DLC1: variants seen among roughly 807,000 people sequenced by gnomAD.
DLC1 encodes the protein DLC1 Rho GTPase activating protein, also known as rho GTPase-activating protein 7.
In DLC1, 54 loss-of-function variants were observed where a neutral mutation model predicts 140.3. That is an observed-to-expected ratio of 0.38 (90% CI 0.31 to 0.48). The LOEUF is 0.48. Among genes scored for constraint, DLC1 ranks in the 20% least tolerant of loss-of-function variants. DLC1 has a pLI of 0.96. For missense variants in DLC1, 2,536 were observed against 1,907.0 expected (o/e 1.33, Z -6.14); for synonymous variants, 986 against 728.1 (o/e 1.35, Z -5.70).
rs367970324 is a variant in DLC1 at position 13,336,799 on chromosome 8, G to C, written c.1315-31497C>G. On this transcript the variant is annotated intron_variant, in intron 4 of 17. Transcript: ENST00000276297. The stretch of plus-strand genomic sequence containing the variant: ...GTACATAATATATTAATAGTATAAT[G>C]TATGCCACCCAAATATAAATGGATA... 6.6e-5 allele frequency among the ~76,000 whole-genome samples: 10 copies of C among 152,226 alleles called. No individual in the cohort carries two copies. In the South Asian group the frequency reaches 2.1e-3, roughly 32 times the overall value.
chr8:13,503,345 A>G (rs1801907279), intron 1 of DLC1, among the ~76,000 whole-genome samples: 1 of 152,168 alleles, frequency 6.6e-6, no homozygotes, highest in African/African-American at 2.4e-5. Context: ...TCAAGACTGC[A>G]GTGAGCCATG....
At chr8:13,211,423 C>A (rs1365962392) in intron 5 of DLC1, among the ~76,000 whole-genome samples, 1 of 152,108 alleles carries the variant, frequency 6.6e-6, no homozygotes, top group Admixed American at 6.6e-5. Context: ...TACACTGTTG[C>A]TCTAATGAAC....
intron 4 of DLC1, among the ~76,000 whole-genome samples, chr8:13,309,038 A>G (rs1181109768): frequency 6.6e-6 from 1 of 152,190 alleles, no homozygotes; most frequent in East Asian, 1.9e-4. Context: ...TGAATATACA[A>G]TTTAAATAAC....
chr8:13,172,610 T>C (rs1376411052), intron 5 of DLC1, among the ~76,000 whole-genome samples: 1 of 152,230 alleles, frequency 6.6e-6, no homozygotes, highest in Admixed American at 6.5e-5. Context: ...ACTCACACAG[T>C]AAGTGGCAGG....
At chr8:13,407,490 A>C (rs1837619419) in intron 2 of DLC1, among the ~76,000 whole-genome samples, 1 of 152,242 alleles carries the variant, frequency 6.6e-6, no homozygotes, top group Non-Finnish European at 1.5e-5. Context: ...TATAAAGTCC[A>C]GAAAAGAGTG....
intron 4 of DLC1, among the ~76,000 whole-genome samples, chr8:13,332,256 T>C (rs574021987): frequency 2.5e-4 from 38 of 152,310 alleles, no homozygotes; most frequent in African/African-American, 8.4e-4. Flanking sequence ...CACAATGCAA[T>C]CTTTTTATAA....
chr8:13,115,417 G>A (rs1029212870), intron 6 of DLC1, among the ~76,000 whole-genome samples, 169 bp downstream of exon 6: 2 of 152,058 alleles, frequency 1.3e-5, no homozygotes, highest in Non-Finnish European at 2.9e-5. Flanking sequence ...TGTTACCAAG[G>A]TGCTAGCTTT....
intron 1 of DLC1, chr8:13,567,006 A>G (rs1234836893): frequency 3.9e-6 from 6 of 1,548,746 alleles, no homozygotes; most frequent in Non-Finnish European, 5.2e-6. Flanking sequence ...CCATCTGCCC[A>G]GAATTGGCCC....
chr8:13,491,969 C>T (rs576506162), intron 2 of DLC1, among the ~76,000 whole-genome samples: 1 of 152,298 alleles, frequency 6.6e-6, no homozygotes, highest in African/African-American at 2.4e-5. Context: ...CAGTGAGCTA[C>T]ATTTTAGTTA....
chr8:13,144,567 C>A (rs1244487941), intron 5 of DLC1, among the ~76,000 whole-genome samples: 1 of 152,254 alleles, frequency 6.6e-6, no homozygotes, highest in African/African-American at 2.4e-5. Context: ...AGATCGAGAA[C>A]ATCCTGGCTA....
At position 13,393,534 on chromosome 8, in the gene DLC1, G is replaced by T; in HGVS notation, c.1314+19C>A. 6.2e-7 allele frequency: 1 copy of T among 1,609,346 alleles called. No individual in the cohort carries two copies. Among genetic ancestry groups the T allele is most frequent in the Non-Finnish European group, 8.5e-7 (1 of 1,178,094 alleles). ...CAACATTTACACGTAGAGACTCTCT[G>T]TTATTATTTAGAACTCACCGTAGTC... On this transcript the variant is annotated intron_variant, in intron 4 of 17. Coordinates refer to ENST00000276297, the MANE Select transcript of DLC1 (RefSeq NM_182643.3).
intron 5 of DLC1, among the ~76,000 whole-genome samples, chr8:13,189,607 G>T (rs959966182): frequency 2.6e-5 from 4 of 152,276 alleles, no homozygotes; most frequent in Admixed American, 2.6e-4. Context: ...CTCTGGCAGG[G>T]CGCTGTGTCT....
At chr8:13,096,320 T>C (rs1818495955) in intron 10 of DLC1, among the ~76,000 whole-genome samples, 1 of 152,168 alleles carries the variant, frequency 6.6e-6, no homozygotes, top group South Asian at 2.1e-4. Context: ...TATGCAGTTT[T>C]AAATAGCCAG....
intron 5 of DLC1, among the ~76,000 whole-genome samples, chr8:13,268,083 T>G (rs1830763964): frequency 6.6e-6 from 1 of 152,196 alleles, no homozygotes; most frequent in Non-Finnish European, 1.5e-5. Context: ...TTGAAATATT[T>G]AAAGTATAAC....
intron 2 of DLC1, among the ~76,000 whole-genome samples, chr8:13,452,512 T>A (rs1799113247): frequency 6.6e-6 from 1 of 152,234 alleles, no homozygotes; most frequent in Non-Finnish European, 1.5e-5. Flanking sequence ...TTCAACCATT[T>A]GCTAAAGTGA....
At chr8:13,329,872 C>G (rs1289346108) in intron 4 of DLC1, among the ~76,000 whole-genome samples, 1 of 135,690 alleles carries the variant, frequency 7.4e-6, no homozygotes, top group East Asian at 2.3e-4. Flanking sequence ...GATATATACA[C>G]AAGTGTACAA....
chr8:13,445,166 G>T (rs1328063904), intron 2 of DLC1, among the ~76,000 whole-genome samples: 1 of 152,080 alleles, frequency 6.6e-6, no homozygotes, highest in Non-Finnish European at 1.5e-5. Context: ...GAGAGAAAGA[G>T]AAAAAGTTTA....
At chr8:13,429,612 C>T (rs548172631) in intron 2 of DLC1, among the ~76,000 whole-genome samples, 1 of 152,270 alleles carries the variant, frequency 6.6e-6, no homozygotes, top group East Asian at 1.9e-4. Context: ...AAGTTTTATC[C>T]TATGTATCTT....
intron 2 of DLC1, among the ~76,000 whole-genome samples, chr8:13,424,105 A>G (rs1047699584): frequency 2.0e-5 from 3 of 152,222 alleles, no homozygotes; most frequent in African/African-American, 7.2e-5. Context: ...ACAAAAACAC[A>G]GCAACAGTGT....
Sources: allele counts gnomAD v4.1 joint callset (sites outside exome capture counted in the v4.1 genomes callset), GRCh38; gene constraint gnomAD v4.1.1; transcripts MANE v1.5; gene names NCBI Gene and HGNC (gene_info 2026-07-23, HGNC 2026-07-21).